GABPB1: variants seen among roughly 807,000 people sequenced by gnomAD.
GABPB1 encodes GA-binding protein subunit beta-1.
GABPB1 carries 15 observed loss-of-function variants against 45.9 expected under a neutral mutation model. That is an observed-to-expected ratio of 0.33 (90% CI 0.22 to 0.50). The LOEUF (loss-of-function observed/expected upper bound fraction) is 0.50, where lower values mean the gene tolerates loss of function less well. Among genes scored for constraint, GABPB1 ranks in the 20% least tolerant of loss-of-function variants. GABPB1 has a pLI of 0.98. For missense variants in GABPB1, 252 were observed against 457.5 expected, an observed-to-expected ratio of 0.55 and a Z score of 4.10; for synonymous variants, 143 against 154.4, an observed-to-expected ratio of 0.93 and a Z score of 0.55.
At chr15:50,323,280 A>C (rs563747834) in intron 1 of GABPB1, among the ~76,000 whole-genome samples, 2 of 152,276 alleles carry the variant, frequency 1.3e-5, no homozygotes, top group East Asian at 3.9e-4. Flanking sequence ...CATGGGGGAA[A>C]TGGGAAACCT....
At chr15:50,298,187 G>C (rs554685050) in intron 6 of GABPB1, among the ~76,000 whole-genome samples, 1 of 152,202 alleles carries the variant, frequency 6.6e-6, no homozygotes, top group African/African-American at 2.4e-5. Flanking sequence ...TGCTTCCAAG[G>C]CTCAAGTGAT....
chr15:50,280,992 G>A (rs991150498), intron 8 of GABPB1, among the ~76,000 whole-genome samples: 4 of 152,126 alleles, frequency 2.6e-5, no homozygotes, highest in African/African-American at 9.7e-5. Flanking sequence ...ACAGTGAAAA[G>A]AACCTAATCC....
intron 1 of GABPB1, among the ~76,000 whole-genome samples, chr15:50,317,892 G>C (rs1336149945): frequency 6.9e-6 from 1 of 144,334 alleles, no homozygotes; most frequent in Non-Finnish European, 1.5e-5. Context: ...CTGGGCGACA[G>C]AGCAAGACTC....
Position 50,316,101 on chromosome 15 carries a change from T to G in GABPB1, c.1-6303A>C, listed in dbSNP as rs138066594. ...TCCTCAGACATAAAGTGCTAGATTT[T>G]TAAAAAATCATTTAGTTTAACAACA... On this transcript the variant is annotated intron_variant, in intron 1 of 8. Coordinates refer to ENST00000380877, the MANE Select transcript of GABPB1 (RefSeq NM_016654.5). Among the ~76,000 whole-genome samples the G allele has an allele frequency of 1.6e-3, 238 of 152,320 alleles. 1 individual carries two copies. The highest frequency in any genetic ancestry group is 2.7e-3 in the Non-Finnish European group (187 of 68,038).
chr15:50,275,431 T>A lies in GABPB1; in HGVS notation c.*3201A>T, dbSNP rs2045827966. On this transcript the variant is annotated 3_prime_UTR_variant, in exon 9 of 9. Coordinates refer to ENST00000380877, the MANE Select transcript of GABPB1 (RefSeq NM_016654.5). ...TTATTACAAACAAGTACAGATGCTCTCTGGCTTGCAATGGGGTTATGTCCT... is the reference window on the plus strand; with the variant it reads ...TTATTACAAACAAGTACAGATGCTCACTGGCTTGCAATGGGGTTATGTCCT... 6.6e-6 allele frequency: 1 copy of A among 152,258 alleles called. No homozygotes were observed. The highest frequency in any genetic ancestry group is 2.4e-5 in the African/African-American group (1 of 41,460). The allele number at this position is 152,258 out of a possible 1,614,324, so 9.4% of individuals were successfully genotyped here. A position where few individuals can be genotyped will look rare whatever the true frequency, so the allele number is the denominator to read the frequency against.
intron 6 of GABPB1, among the ~76,000 whole-genome samples, chr15:50,292,937 A>G (rs1198389411): frequency 6.6e-6 from 1 of 152,062 alleles, no homozygotes; most frequent in Non-Finnish European, 1.5e-5. Context: ...ATACAGGTGA[A>G]AGTTATACAG....
intron 6 of GABPB1, among the ~76,000 whole-genome samples, chr15:50,294,992 G>T (rs1369176522): frequency 1.3e-5 from 2 of 152,126 alleles, no homozygotes; most frequent in African/African-American, 4.8e-5. Flanking sequence ...CTAAGCAAAG[G>T]AAAGTTGCTA....
At chr15:50,335,570 T>G (rs1284468703) in intron 1 of GABPB1, among the ~76,000 whole-genome samples, 2 of 152,184 alleles carry the variant, frequency 1.3e-5, no homozygotes, top group Non-Finnish European at 2.9e-5. Context: ...TAATGTTCTA[T>G]ATATTTTATC....
At chr15:50,333,858 A>C (rs906539251) in intron 1 of GABPB1, among the ~76,000 whole-genome samples, 3 of 151,816 alleles carry the variant, frequency 2.0e-5, no homozygotes, top group Non-Finnish European at 2.9e-5. Flanking sequence ...GTAAAACCCC[A>C]TCTCTACTAA....
intron 1 of GABPB1, chr15:50,354,639 AC>A (rs1226128136): frequency 2.3e-6 from 1 of 434,724 alleles, no homozygotes; most frequent in South Asian, 1.6e-5. Context: ...CCCCATCGCC[AC>A]CCCGGGGCTG....
Position 50,315,912 on chromosome 15 carries a change from C to G in GABPB1, c.1-6114G>C, listed in dbSNP as rs116753783. On this transcript the variant is annotated intron_variant, in intron 1 of 8. Transcript: ENST00000380877. ...CAACATGGTGAAACCCCGCCCATCT[C>G]TGCTAAAAAATACAAAAATTAGCTG... is the stretch of plus-strand genomic sequence containing the variant. 5.4e-3 allele frequency among the ~76,000 whole-genome samples: 826 copies of G among 152,212 alleles called. 7 individuals are homozygous for G. Among genetic ancestry groups the G allele is most frequent in the African/African-American group, 0.019 (791 of 41,520 alleles).
At chr15:50,310,640 T>A (rs11637975) in intron 1 of GABPB1, among the ~76,000 whole-genome samples, 1 of 152,038 alleles carries the variant, frequency 6.6e-6, no homozygotes, top group Non-Finnish European at 1.5e-5. Flanking sequence ...TCACATTCTA[T>A]GAAAATACTA....
At chr15:50,297,165 C>T (rs1270018585) in intron 6 of GABPB1, among the ~76,000 whole-genome samples, 1 of 151,808 alleles carries the variant, frequency 6.6e-6, no homozygotes, top group Non-Finnish European at 1.5e-5. Flanking sequence ...CCCACCTCGG[C>T]CTCCCAAAGT....
chr15:50,341,591 A>C (rs920129981), intron 1 of GABPB1, among the ~76,000 whole-genome samples: 37 of 152,168 alleles, frequency 2.4e-4, no homozygotes, highest in African/African-American at 7.2e-4. Context: ...CTTAATAAAC[A>C]TAAGTCCCAG....
At chr15:50,324,053 A>C (rs2141102835) in intron 1 of GABPB1, among the ~76,000 whole-genome samples, 1 of 152,058 alleles carries the variant, frequency 6.6e-6, no homozygotes, top group African/African-American at 2.4e-5. Flanking sequence ...AATACATAAA[A>C]ATTAGCTGGG....
chr15:50,290,709 C>T (rs2046316718), intron 6 of GABPB1, among the ~76,000 whole-genome samples: 1 of 152,018 alleles, frequency 6.6e-6, no homozygotes, highest in Admixed American at 6.6e-5. Context: ...ATTAAGTGAG[C>T]AAGGATTTGC....
chr15:50,320,801 G>C (rs887375702), intron 1 of GABPB1, among the ~76,000 whole-genome samples: 2 of 151,728 alleles, frequency 1.3e-5, no homozygotes, highest in Non-Finnish European at 2.9e-5. Flanking sequence ...GCAGAGATCA[G>C]AGAGAGAATG....
intron 6 of GABPB1, among the ~76,000 whole-genome samples, chr15:50,300,515 T>C (rs1241865102): frequency 7.4e-6 from 1 of 134,416 alleles, no homozygotes; most frequent in African/African-American, 2.8e-5. Context: ...CAAACTCAGC[T>C]CACTGCAGCC....
chr15:50,306,777 T>C (rs1270615768), intron 2 of GABPB1, among the ~76,000 whole-genome samples: 2 of 152,156 alleles, frequency 1.3e-5, no homozygotes, highest in African/African-American at 2.4e-5. Context: ...ACTTTGGTTT[T>C]GCCTGTTTTG....
Sources: gnomAD v4.1 joint callset for allele counts (sites outside exome capture counted in the v4.1 genomes callset) on GRCh38, gnomAD v4.1.1 for gene constraint, MANE v1.5 for transcripts, NCBI Gene and HGNC (gene_info 2026-07-23, HGNC 2026-07-21) for gene names.